The following PIK3R1 variants were observed in gnomAD, a reference collection of about 807,000 sequenced individuals.
PIK3R1 encodes the protein phosphoinositide-3-kinase regulatory subunit 1, also known as phosphatidylinositol 3-kinase regulatory subunit alpha.
A neutral mutation model predicts 98.0 loss-of-function variants in PIK3R1; 29 were observed. That is an observed-to-expected ratio of 0.30 (90% CI 0.22 to 0.40). The LOEUF (loss-of-function observed/expected upper bound fraction) is 0.40. PIK3R1 is among the 10% of genes least tolerant of loss of function. PIK3R1 has a pLI of 1.00. For missense variants in PIK3R1, 596 were observed against 872.7 expected (o/e 0.68, Z 3.99); for synonymous variants, 282 against 311.8 (o/e 0.90, Z 1.01).
chr5:68,295,670 GACTAGGATTTATTTTT>G (rs1465755609), intron 14 of PIK3R1, 182 bp downstream of exon 14: 1 of 610,308 alleles, frequency 1.6e-6, no homozygotes, highest in East Asian at 2.8e-5. Flanking sequence ...AGCTAAGGAG[GACTAGGATTTATTTTT>G]ACTCATAATG....
At chr5:68,296,750 G>GA (rs577114354) in intron 15 of PIK3R1, among the ~76,000 whole-genome samples, 20 of 145,802 alleles carry the variant, frequency 1.4e-4, no homozygotes, top group African/African-American at 2.0e-4. Flanking sequence ...AGGAACAGGT[G>GA]AAAAAAAAAA....
At position 68,241,541 on chromosome 5, in the gene PIK3R1, A is replaced by G. The variant is rs982813887; in HGVS notation, c.334+14532A>G. On this transcript the variant is annotated intron_variant, in intron 2 of 15. Coordinates refer to ENST00000521381, the MANE Select transcript of PIK3R1 (RefSeq NM_181523.3). Reference sequence around the variant, plus strand: ...ACTCCTTACTAACACAATTGCAGGCAAGCATTGAACATTTGCTTTGTTCCA... The same window carrying G: ...ACTCCTTACTAACACAATTGCAGGCGAGCATTGAACATTTGCTTTGTTCCA... Among the ~76,000 whole-genome samples, 5 of 152,240 alleles carry G rather than the reference A, an allele frequency of 3.3e-5. No individual in the cohort carries two copies. The South Asian group carries it at 8.3e-4, about 25-fold the overall frequency.
chr5:68,227,407 T>C (rs950098758), intron 2 of PIK3R1, among the ~76,000 whole-genome samples: 15 of 152,162 alleles, frequency 9.9e-5, no homozygotes, highest in African/African-American at 3.6e-4. Flanking sequence ...AAATTCTCAT[T>C]AGAGCATTCC....
rs1372456953 is a variant in PIK3R1, at chr5:68,247,577, C to CTT, written c.334+20583_334+20584dup. On this transcript the variant is annotated intron_variant, in intron 2 of 15. Transcript: ENST00000521381. Reference sequence around the variant, plus strand: ...ATAGGTGTGAGCCACTGCACGTGGCCTTTTTTTTTTTTTTTTCTTGAGACA... The same window carrying CTT: ...ATAGGTGTGAGCCACTGCACGTGGCCTTTTTTTTTTTTTTTTTTCTTGAGACA... 1.9e-3 allele frequency among the ~76,000 whole-genome samples: 271 copies of CTT among 140,640 alleles called. 2 individuals are homozygous for CTT. The highest frequency in any genetic ancestry group is 8.2e-3 in the East Asian group (40 of 4,888). The allele number at this position is 140,640 out of a possible 152,430, so 92.3% of individuals were successfully genotyped here. A position where few individuals can be genotyped will look rare whatever the true frequency, so the allele number is the denominator to read the frequency against.
At chr5:68,278,618 A>G (rs184470811) in intron 4 of PIK3R1, among the ~76,000 whole-genome samples, 38 of 152,298 alleles carry the variant, frequency 2.5e-4, no homozygotes, top group Non-Finnish European at 3.4e-4. Context: ...AGGCAGTTAT[A>G]ACAAGTTACC....
chr5:68,294,770 C>G (rs1747601606), intron 12 of PIK3R1, 92 bp downstream of exon 12: 2 of 690,880 alleles, frequency 2.9e-6, no homozygotes, highest in Non-Finnish European at 3.8e-6. Flanking sequence ...TGAATGATCA[C>G]GTGGACACAG....
At chr5:68,273,828 C>A in intron 3 of PIK3R1, 111 bp from the exon 4 acceptor site, 2 of 838,720 alleles carry the variant, frequency 2.4e-6, no homozygotes, top group Non-Finnish European at 4.1e-6. Flanking sequence ...ATTTGGTACA[C>A]ATCTAGAACA....
At chr5:68,257,219 G>A (rs567456055) in intron 2 of PIK3R1, among the ~76,000 whole-genome samples, 1 of 152,210 alleles carries the variant, frequency 6.6e-6, no homozygotes, top group African/African-American at 2.4e-5. Flanking sequence ...GCTGATAGCT[G>A]CTCCATCCAG....
chr5:68,277,403 C>T (rs1318300411), intron 4 of PIK3R1, among the ~76,000 whole-genome samples: 1 of 152,174 alleles, frequency 6.6e-6, no homozygotes, highest in Non-Finnish European at 1.5e-5. Flanking sequence ...GTTTGTAGGA[C>T]ATTTAAGTGA....
At chr5:68,284,992 AT>A (rs949154234) in intron 7 of PIK3R1, among the ~76,000 whole-genome samples, 1 of 152,058 alleles carries the variant, frequency 6.6e-6, no homozygotes, top group African/African-American at 2.4e-5. Flanking sequence ...GGCTTTCAAT[AT>A]TTTTTTCTTG....
chr5:68,256,703 TGA>T (rs1239192304), intron 2 of PIK3R1, among the ~76,000 whole-genome samples: 2 of 151,982 alleles, frequency 1.3e-5, no homozygotes, highest in African/African-American at 4.8e-5. Flanking sequence ...TCTCATGGAT[TGA>T]GAGGGGCAAT....
chr5:68,291,284 G>A (rs1423602479), intron 7 of PIK3R1: 1 of 152,550 alleles, frequency 6.6e-6, no homozygotes, highest in Non-Finnish European at 1.5e-5. Flanking sequence ...TTCTCTAAAT[G>A]TTGAGACTTT....
intron 4 of PIK3R1, among the ~76,000 whole-genome samples, chr5:68,279,270 A>G: frequency 6.6e-6 from 1 of 152,274 alleles, no homozygotes; most frequent in East Asian, 1.9e-4. Context: ...CTGAAGATGC[A>G]GCCCAATTCA....
chr5:68,280,468 A>G (rs951237711), intron 5 of PIK3R1, 60 bp from the exon 6 acceptor site: 23 of 1,192,240 alleles, frequency 1.9e-5, no homozygotes, highest in Non-Finnish European at 1.3e-5. Context: ...GTGTTTATTC[A>G]CTGATACCTG....
intron 2 of PIK3R1, among the ~76,000 whole-genome samples, chr5:68,239,070 T>C (rs1744777993): frequency 6.6e-6 from 1 of 152,002 alleles, no homozygotes; most frequent in African/African-American, 2.4e-5. Context: ...TTATATGTTA[T>C]GTGGAAAGGC....
At chr5:68,239,163 C>T (rs909273709) in intron 2 of PIK3R1, among the ~76,000 whole-genome samples, 4 of 151,886 alleles carry the variant, frequency 2.6e-5, no homozygotes, top group Non-Finnish European at 5.9e-5. Flanking sequence ...CTAAAGGTTG[C>T]CTTTTTATTG....
At chr5:68,288,695 T>G in intron 7 of PIK3R1, 1 of 1,612,512 alleles carries the variant, frequency 6.2e-7, no homozygotes, top group Non-Finnish European at 8.5e-7. Flanking sequence ...TTTTTTTTTT[T>G]TCATTGTCGG....
intron 2 of PIK3R1, among the ~76,000 whole-genome samples, chr5:68,262,401 T>C (rs867093455): frequency 7.9e-6 from 1 of 125,942 alleles, no homozygotes; most frequent in Middle Eastern, 4.1e-3. Context: ...TATATATATA[T>C]ATACACACAC....
intron 4 of PIK3R1, 23 bp downstream of exon 4, chr5:68,274,036 T>C: frequency 6.3e-7 from 1 of 1,584,616 alleles, no homozygotes; most frequent in Non-Finnish European, 8.7e-7. Flanking sequence ...GAGCTAGAAA[T>C]GCAAATGGGA....
Sources: gnomAD v4.1 joint callset for allele counts (sites outside exome capture counted in the v4.1 genomes callset) on GRCh38, gnomAD v4.1.1 for gene constraint, MANE v1.5 for transcripts, NCBI Gene and HGNC (gene_info 2026-07-23, HGNC 2026-07-21) for gene names.